THUMPD3: variants seen among roughly 807,000 people sequenced by gnomAD.
THUMPD3 encodes the protein tRNA (guanine(6)-N(2))-methyltransferase THUMP3.
In THUMPD3, 44 loss-of-function variants were observed where a neutral mutation model predicts 54.5. That is an observed-to-expected ratio of 0.81 (90% CI 0.63 to 1.04). The LOEUF is 1.04. THUMPD3 is among the 50% of genes least tolerant of loss of function. The pLI, the probability that THUMPD3 is intolerant of heterozygous loss-of-function variation, is 0.00. For synonymous variants in THUMPD3, 196 were observed against 201.4 expected, an observed-to-expected ratio of 0.97 and a Z score of 0.23; for missense variants, 604 against 601.3, an observed-to-expected ratio of 1.00 and a Z score of -0.05.
In THUMPD3 at chr3:9,384,602, T is replaced by A. The variant is rs748588009; in HGVS notation, c.1438T>A (p.Tyr480Asn). ...VNVGGLRAAV[Y>N]VLIRTPQAFV... ...CGTTGGTGGTCTTCGTGCTGCAGTTTACGTTCTGATACGTACACCTCAAGC... is the reference window on the plus strand; with the variant it reads ...CGTTGGTGGTCTTCGTGCTGCAGTTAACGTTCTGATACGTACACCTCAAGC... Residue 480 changes from tyrosine to asparagine, a missense_variant, in exon 10 of 10, where the codon TAC becomes AAC. Coordinates refer to ENST00000452837, the MANE Select transcript of THUMPD3 (RefSeq NM_001114092.2). 9 of 1,614,086 alleles carry A rather than the reference T, an allele frequency of 5.6e-6. No individual in the cohort carries two copies. In the African/African-American group the frequency reaches 1.2e-4, roughly 22 times the overall value.
At chr3:9,374,128 AT>A (rs1362550484) in intron 4 of THUMPD3, among the ~76,000 whole-genome samples, 1 of 152,136 alleles carries the variant, frequency 6.6e-6, no homozygotes, top group Non-Finnish European at 1.5e-5. Flanking sequence ...CGTTTTGCCA[AT>A]TTTTGAACTT....
At position 9,384,194 on chromosome 3, in the gene THUMPD3, T is replaced by C. The variant is rs777406954; in HGVS notation, c.1236-18T>C. The C allele has an allele frequency of 6.2e-7, 1 of 1,611,920 alleles. No homozygotes were observed. The highest frequency in any genetic ancestry group is 1.1e-5 in the South Asian group (1 of 90,762). On this transcript the variant is annotated intron_variant, in intron 8 of 9. Coordinates refer to ENST00000452837, the MANE Select transcript of THUMPD3 (RefSeq NM_001114092.2). ...GTATCTTTTGCAAGTGTTTGACTCA[T>C]GAGACCTTCTATTATAGGATGGGAT...
rs550836430 is a variant in THUMPD3, at chr3:9,385,127, C to T, written c.*439C>T. ...TGCACTCCAGCCTGTGCGACAAGAGCGAAACTCTGTCTCAAAAAGATTTTA... is the reference window on the plus strand; with the variant it reads ...TGCACTCCAGCCTGTGCGACAAGAGTGAAACTCTGTCTCAAAAAGATTTTA... On this transcript the variant is annotated 3_prime_UTR_variant, in exon 10 of 10. Transcript: ENST00000452837. 66 of 155,060 alleles carry T rather than the reference C, an allele frequency of 4.3e-4. 1 individual carries two copies. The South Asian group carries it at 0.01, about 24-fold the overall frequency. 9.6% of individuals were successfully genotyped at this position (155,060 alleles called of 1,614,324 possible).
rs772749447 is a variant in THUMPD3 at position 9,384,384 on chromosome 3, C to T, written c.1359+49C>T. ...TCGCAGCCTGTGGCAACTTTGGGAT[C>T]TTTTTGAGATTTGGGGATGTTTGTT... On this transcript the variant is annotated intron_variant, in intron 9 of 9. Coordinates refer to ENST00000452837, the MANE Select transcript of THUMPD3 (RefSeq NM_001114092.2). 6 of 1,597,604 alleles carry T rather than the reference C, an allele frequency of 3.8e-6. No individual in the cohort carries two copies. The South Asian group carries it at 4.5e-5, about 12-fold the overall frequency.
At chr3:9,383,342 A>G in intron 8 of THUMPD3, 33 bp downstream of exon 8, 1 of 1,467,828 alleles carries the variant, frequency 6.8e-7, no homozygotes, top group Non-Finnish European at 9.5e-7. Context: ...TGTCTTCTAA[A>G]TATGTCATTA....
rs1340164644 is a variant in THUMPD3 at position 9,364,912 on chromosome 3, C to G, written c.-53-104C>G. 9.0e-6 allele frequency: 8 copies of G among 886,696 alleles called. No homozygotes were observed. In the Admixed American group the frequency reaches 1.1e-4, roughly 13 times the overall value. 54.9% of individuals were successfully genotyped at this position (886,696 alleles called of 1,614,324 possible). ...CCTTTTTACTTTGGTGACTGTTTATCAGATGTGTTGCCTTGTTCTTCCTGC... is the reference window on the plus strand; with the variant it reads ...CCTTTTTACTTTGGTGACTGTTTATGAGATGTGTTGCCTTGTTCTTCCTGC... On this transcript the variant is annotated intron_variant, in intron 1 of 9. Coordinates refer to ENST00000452837, the MANE Select transcript of THUMPD3 (RefSeq NM_001114092.2).
At chr3:9,378,980 A>T (rs142091853) in intron 6 of THUMPD3, among the ~76,000 whole-genome samples, 1 of 152,194 alleles carries the variant, frequency 6.6e-6, no homozygotes, top group Non-Finnish European at 1.5e-5. Flanking sequence ...AAATTAAAAC[A>T]TGAAGTTTGA....
In THUMPD3 at chr3:9,382,998, A is replaced by AT. The variant is rs746973034; in HGVS notation, c.1125-199dup. 61 of 454,512 alleles carry AT rather than the reference A, an allele frequency of 1.3e-4. No individual in the cohort carries two copies. In the Middle Eastern group the frequency reaches 1.9e-3, roughly 14 times the overall value. 28.2% of individuals were successfully genotyped at this position (454,512 alleles called of 1,614,324 possible). Reference sequence around the variant, plus strand: ...CCCACCTCAGCCCCTGAAAGTGCTGATTATAGGCACAAGCTACCATGCCCA... The same window carrying AT: ...CCCACCTCAGCCCCTGAAAGTGCTGATTTATAGGCACAAGCTACCATGCCCA... On this transcript the variant is annotated intron_variant, in intron 7 of 9. Coordinates refer to ENST00000452837, the MANE Select transcript of THUMPD3 (RefSeq NM_001114092.2).
intron 6 of THUMPD3, among the ~76,000 whole-genome samples, chr3:9,379,417 G>A (rs1029472548): frequency 2.0e-5 from 3 of 152,132 alleles, no homozygotes; most frequent in African/African-American, 7.2e-5. Context: ...CTGCACTCAT[G>A]GATGAGAAGT....
chr3:9,370,949 C>T, intron 3 of THUMPD3, 111 bp from the exon 4 acceptor site: 2 of 925,390 alleles, frequency 2.2e-6, no homozygotes, highest in Non-Finnish European at 3.3e-6. Context: ...CTTTGGCGGT[C>T]CTGGAACCAG....
At chr3:9,371,618 C>A in intron 4 of THUMPD3, 82 bp downstream of exon 4, 1 of 1,168,484 alleles carries the variant, frequency 8.6e-7, no homozygotes, top group Non-Finnish European at 1.2e-6. Context: ...ATGTTATGCA[C>A]AATTAAACTG....
In THUMPD3 at chr3:9,374,639, A is replaced by T. The variant is rs1426855697; in HGVS notation, c.931A>T (p.Met311Leu). Residue 311 changes from methionine to leucine, a missense_variant, in exon 5 of 10, where the codon ATG becomes TTG. Coordinates refer to ENST00000452837, the MANE Select transcript of THUMPD3 (RefSeq NM_001114092.2). ...TTLRSTLAYG[M>L]LRLCDPLPYD... ...TCTTAGATCAACTCTTGCCTATGGG[A>T]TGCTCAGGTAAGAAAATGAGTTTGC... 1 of 1,613,266 alleles carries T rather than the reference A, an allele frequency of 6.2e-7. No individual in the cohort carries two copies. The highest frequency in any genetic ancestry group is 8.5e-7 in the Non-Finnish European group (1 of 1,179,758).
At chr3:9,369,309 C>CAAAAAAAAAAAA (rs779602979) in intron 3 of THUMPD3, among the ~76,000 whole-genome samples, 5 of 60,830 alleles carry the variant, frequency 8.2e-5, no homozygotes, top group African/African-American at 2.1e-4. Flanking sequence ...GACTCCGTCT[C>CAAAAAAAAAAAA]AAAAAAAAAA....
At chr3:9,364,939 C>T in intron 1 of THUMPD3, 77 bp from the exon 2 acceptor site, 2 of 1,282,420 alleles carry the variant, frequency 1.6e-6, no homozygotes, top group Non-Finnish European at 2.1e-6. Context: ...TCTTCCTGCC[C>T]TCCAGAGCCC....
Position 9,375,985 on chromosome 3 carries a change from CTAACA to C in THUMPD3, c.938+1342_938+1346del, listed in dbSNP as rs537917595. On this transcript the variant is annotated intron_variant, in intron 5 of 9. Transcript: ENST00000452837. ...CCTTCTCTTCCAATCTTTTATCTTC[CTAACA>C]TATTAATTCAATGACGATAATAGAA... Among the ~76,000 whole-genome samples, 26 of 152,290 alleles carry C rather than the reference CTAACA, an allele frequency of 1.7e-4. 1 individual carries two copies. The South Asian group carries it at 4.8e-3, about 28-fold the overall frequency.
intron 6 of THUMPD3, among the ~76,000 whole-genome samples, chr3:9,379,496 G>A (rs946572310): frequency 7.2e-5 from 11 of 152,108 alleles, no homozygotes; most frequent in Non-Finnish European, 1.3e-4. Context: ...GACCTTTCCC[G>A]GCTTTCGTGT....
At chr3:9,375,828 C>T (rs1459972586) in intron 5 of THUMPD3, among the ~76,000 whole-genome samples, 1 of 152,138 alleles carries the variant, frequency 6.6e-6, no homozygotes, top group African/African-American at 2.4e-5. Flanking sequence ...ATATTGTAGT[C>T]AGTTGTAACG....
chr3:9,372,205 C>T (rs1233640363), intron 4 of THUMPD3, among the ~76,000 whole-genome samples: 1 of 152,188 alleles, frequency 6.6e-6, no homozygotes, highest in East Asian at 1.9e-4. Flanking sequence ...TATGGACTTT[C>T]ATATTATAAA....
intron 3 of THUMPD3, among the ~76,000 whole-genome samples, chr3:9,369,708 T>C (rs146837368): frequency 7.9e-5 from 12 of 152,326 alleles, no homozygotes; most frequent in African/African-American, 2.9e-4. Context: ...TTCACATTCT[T>C]TTGCTATTAC....
Sources: allele counts gnomAD v4.1 joint callset (sites outside exome capture counted in the v4.1 genomes callset), GRCh38; gene constraint gnomAD v4.1.1; transcripts MANE v1.5; gene names NCBI Gene and HGNC (gene_info 2026-07-23, HGNC 2026-07-21).